The following CSTPP1 variants were observed in gnomAD, a reference collection of about 807,000 sequenced individuals.
The protein encoded by CSTPP1 is centriolar satellite-associated tubulin polyglutamylase complex regulator 1, also known as UPF0705 protein C11orf49.
chr11:46,966,918 C>T, the CSTPP1 span, among the ~76,000 whole-genome samples: 1 of 152,024 alleles, frequency 6.6e-6, no homozygotes, highest in African/African-American at 2.4e-5. Flanking sequence ...CTCAGAAGTC[C>T]AAGATCAAGG....
the CSTPP1 span, chr11:47,161,534 A>G: frequency 6.2e-7 from 1 of 1,613,528 alleles, no homozygotes; most frequent in Non-Finnish European, 8.5e-7. Flanking sequence ...GCCTTCCCGG[A>G]CCCCTCCCCG....
the CSTPP1 span, among the ~76,000 whole-genome samples, chr11:46,970,428 A>ATAAATAAT: frequency 5.3e-5 from 8 of 150,850 alleles, no homozygotes. Context: ...AAATAAATAA[A>ATAAATAAT]TAAAATTCAT....
chr11:46,994,877 T>C, the CSTPP1 span, among the ~76,000 whole-genome samples: 1 of 152,336 alleles, frequency 6.6e-6, no homozygotes, highest in East Asian at 1.9e-4. Context: ...GTACCTCTGG[T>C]AGAATTCAGC....
At chr11:47,063,635 G>A in the CSTPP1 span, among the ~76,000 whole-genome samples, 218 of 152,250 alleles carry the variant, frequency 1.4e-3, no homozygotes, top group Non-Finnish European at 2.0e-3. Context: ...GTGCATCCAT[G>A]TTGTAATATG....
the CSTPP1 span, among the ~76,000 whole-genome samples, chr11:47,011,980 T>C: frequency 3.9e-5 from 6 of 151,974 alleles, no homozygotes; most frequent in African/African-American, 1.5e-4. Context: ...TAAATTCTAT[T>C]AAGAAAATCA....
At chr11:47,036,265 A>AATATATTATATTTATATATTATATAT in the CSTPP1 span, among the ~76,000 whole-genome samples, 1 of 32,792 alleles carries the variant, frequency 3.0e-5, no homozygotes, top group African/African-American at 1.3e-4. Flanking sequence ...ATTATATAAT[A>AATATATTATATTTATATATTATATAT]TATATATTAT....
chr11:47,097,257 C>G, the CSTPP1 span, among the ~76,000 whole-genome samples: 1 of 124,316 alleles, frequency 8.0e-6, no homozygotes, highest in East Asian at 4.5e-4. Flanking sequence ...CGGCCAGCCG[C>G]CCCGTCCGGG....
the CSTPP1 span, among the ~76,000 whole-genome samples, chr11:47,144,141 A>G: frequency 6.6e-6 from 1 of 152,214 alleles, no homozygotes; most frequent in Non-Finnish European, 1.5e-5. Context: ...GATTTCAGTA[A>G]CACCAACAAA....
chr11:46,987,679 C>G, the CSTPP1 span: 2 of 189,376 alleles, frequency 1.1e-5, no homozygotes, highest in Non-Finnish European at 2.2e-5. Flanking sequence ...CTCATGGAAT[C>G]TAGGCTAATG....
chr11:47,125,012 G>A, the CSTPP1 span, among the ~76,000 whole-genome samples: 9 of 152,148 alleles, frequency 5.9e-5, no homozygotes, highest in Non-Finnish European at 1.2e-4. Flanking sequence ...ATGGCTTTAA[G>A]GAACAGTAAC....
the CSTPP1 span, among the ~76,000 whole-genome samples, chr11:47,022,050 T>A: frequency 2.9e-3 from 442 of 151,894 alleles, 3 homozygotes; most frequent in African/African-American, 9.5e-3. Flanking sequence ...TTTTTTTTTT[T>A]ATCACGTAAG....
At chr11:47,016,508 G>A in the CSTPP1 span, among the ~76,000 whole-genome samples, 1 of 151,860 alleles carries the variant, frequency 6.6e-6, no homozygotes, top group African/African-American at 2.4e-5. Flanking sequence ...AGAACAATTG[G>A]AAATTTAAAT....
chr11:46,940,428 G>A, the CSTPP1 span, among the ~76,000 whole-genome samples: 7 of 152,146 alleles, frequency 4.6e-5, no homozygotes, highest in South Asian at 4.1e-4. Flanking sequence ...TATAGATATT[G>A]TCAGATTGCC....
chr11:46,977,455 A>T, the CSTPP1 span, among the ~76,000 whole-genome samples: 2 of 152,194 alleles, frequency 1.3e-5, no homozygotes, highest in Non-Finnish European at 2.9e-5. Flanking sequence ...GAGACCTATT[A>T]TGTCCAGCTA....
the CSTPP1 span, among the ~76,000 whole-genome samples, chr11:47,148,918 C>T: frequency 7.3e-4 from 111 of 152,246 alleles, 1 homozygote; most frequent in East Asian, 4.4e-3. Flanking sequence ...CCGGTGCAGC[C>T]CGTGCCACTA....
chr11:47,151,844 T>C, the CSTPP1 span, among the ~76,000 whole-genome samples: 1 of 152,168 alleles, frequency 6.6e-6, no homozygotes, highest in Non-Finnish European at 1.5e-5. Context: ...TACTCCCTCC[T>C]GCTCGGCATA....
At chr11:47,044,423 C>A in the CSTPP1 span, among the ~76,000 whole-genome samples, 3 of 152,096 alleles carry the variant, frequency 2.0e-5, no homozygotes, top group African/African-American at 7.2e-5. Context: ...ATTGCCCAGG[C>A]TGGAGCGCAG....
chr11:47,112,714 T>C, the CSTPP1 span, among the ~76,000 whole-genome samples: 5 of 152,288 alleles, frequency 3.3e-5, no homozygotes, highest in Admixed American at 2.6e-4. Context: ...TCTTCTCTAA[T>C]GTATCCTAAG....
At chr11:47,118,812 ATCCT>A in the CSTPP1 span, among the ~76,000 whole-genome samples, 1 of 152,170 alleles carries the variant, frequency 6.6e-6, no homozygotes, top group African/African-American at 2.4e-5. Context: ...TTGCTGCCTG[ATCCT>A]TCCTCTGGAA....
Sources: allele counts gnomAD v4.1 joint callset (sites outside exome capture counted in the v4.1 genomes callset), GRCh38; gene constraint gnomAD v4.1.1; transcripts MANE v1.5; gene names NCBI Gene and HGNC (gene_info 2026-07-23, HGNC 2026-07-21).